TMPRSS4: variants seen among roughly 807,000 people sequenced by gnomAD.
The protein encoded by TMPRSS4 is transmembrane protease serine 4.
TMPRSS4 carries 45 observed loss-of-function variants against 56.4 expected under a neutral mutation model. The ratio of observed to expected loss-of-function variants is 0.80; its 90% CI spans 0.63 to 1.02. TMPRSS4 has a LOEUF of 1.02. Among genes scored for constraint, TMPRSS4 ranks in the 50% least tolerant of loss-of-function variants. The pLI is 0.00. For synonymous variants in TMPRSS4, 205 were observed against 211.0 expected (o/e 0.97, Z 0.25); for missense variants, 546 against 556.7 (o/e 0.98, Z 0.19).
intron 3 of TMPRSS4, 65 bp downstream of exon 3, chr11:118,099,163 C>G: frequency 7.5e-7 from 1 of 1,334,326 alleles, no homozygotes; most frequent in Non-Finnish European, 1.1e-6. Flanking sequence ...CCCCCACCCC[C>G]GCACTCACCC....
chr11:118,079,108 CCCAAAGGCA>C (rs1179678881), intron 1 of TMPRSS4, among the ~76,000 whole-genome samples: 12 of 152,020 alleles, frequency 7.9e-5, no homozygotes, highest in Non-Finnish European at 1.8e-4. Flanking sequence ...GGCCTGGGGC[CCCAAAGGCA>C]AGGCAGCAGC....
rs8924 is a variant in TMPRSS4 at position 118,118,069 on chromosome 11, A to T, written c.*156A>T. ...GGAGCAGCAAAGGGCCTCAATTCCT[A>T]TAAGAGACCCTCGCAGCCCAGAGGC... is the stretch of plus-strand genomic sequence containing the variant. On this transcript the variant is annotated 3_prime_UTR_variant, in exon 13 of 13. Coordinates refer to ENST00000437212, the MANE Select transcript of TMPRSS4 (RefSeq NM_019894.4). 1.3e-6 allele frequency: 2 copies of T among 1,487,954 alleles called. No individual in the cohort carries two copies. The highest frequency in any genetic ancestry group is 4.9e-5 in the East Asian group (2 of 41,212). The allele number at this position is 1,487,954 out of a possible 1,614,324, so 92.2% of individuals were successfully genotyped here. A position where few individuals can be genotyped will look rare whatever the true frequency, so the allele number is the denominator to read the frequency against.
intron 1 of TMPRSS4, among the ~76,000 whole-genome samples, chr11:118,082,880 AC>A (rs1211267570): frequency 6.6e-6 from 1 of 152,148 alleles, no homozygotes; most frequent in Admixed American, 6.5e-5. Flanking sequence ...CTAAGGAAAA[AC>A]CTTAGAGGTC....
At chr11:118,099,766 G>A (rs1405923119) in intron 3 of TMPRSS4, among the ~76,000 whole-genome samples, 1 of 152,136 alleles carries the variant, frequency 6.6e-6, no homozygotes, top group Non-Finnish European at 1.5e-5. Context: ...CTTGTGAGGA[G>A]GGGAGAAAGA....
rs369601091 is a variant in TMPRSS4 at position 118,120,886 on chromosome 11, C to A, written c.*2973C>A. 2.0e-4 allele frequency: 31 copies of A among 152,312 alleles called. No individual in the cohort carries two copies. The highest frequency in any genetic ancestry group is 7.5e-4 in the African/African-American group (31 of 41,564). The allele number at this position is 152,312 out of a possible 1,614,324, so 9.4% of individuals were successfully genotyped here. A position where few individuals can be genotyped will look rare whatever the true frequency, so the allele number is the denominator to read the frequency against. ...ACAGAACATACACCACCATAGTGTA[C>A]ACGCATACAACCAAGGTGGAAAAAT... On this transcript the variant is annotated 3_prime_UTR_variant, in exon 13 of 13. Transcript: ENST00000437212.
chr11:118,113,323 C>A lies in TMPRSS4; in HGVS notation c.798C>A (p.Gly266=). The change falls in exon 9 of 13, where the codon GGC becomes GGA. Residue 266 remains glycine (G), a synonymous_variant. Transcript: ENST00000437212. ...TGCGGGCAGGCTCAGACAAACTGGG[C>A]AGCTTCCCATCCCTGGCTGTGGCCA... ...WKVRAGSDKL[G]SFPSLAVAKI... 1 of 1,614,116 alleles carries A rather than the reference C, an allele frequency of 6.2e-7. No homozygotes were observed. Among genetic ancestry groups the A allele is most frequent in the African/African-American group, 1.3e-5 (1 of 75,024 alleles).
chr11:118,117,845 C>T (rs1360905591), intron 12 of TMPRSS4, 57 bp from the exon 13 acceptor site: 1 of 1,614,022 alleles, frequency 6.2e-7, no homozygotes, highest in South Asian at 1.1e-5. Context: ...CACATGTCAC[C>T]ACTTTGTCCA....
chr11:118,098,884 T>C (rs2135381734), intron 2 of TMPRSS4, 101 bp from the exon 3 acceptor site: 2 of 891,260 alleles, frequency 2.2e-6, no homozygotes, highest in Non-Finnish European at 3.6e-6. Flanking sequence ...GCTCAAGGCA[T>C]ACCTGTCACC....
At chr11:118,115,554 T>A in intron 11 of TMPRSS4, 1 of 378,628 alleles carries the variant, frequency 2.6e-6, no homozygotes, top group East Asian at 4.8e-5. Flanking sequence ...GCATGGTGGC[T>A]CACGCTTGTA....
intron 2 of TMPRSS4, among the ~76,000 whole-genome samples, chr11:118,097,751 C>T (rs1158680528): frequency 1.3e-5 from 2 of 152,094 alleles, no homozygotes; most frequent in Non-Finnish European, 2.9e-5. Flanking sequence ...AATCCACCTC[C>T]TCCCTGATGA....
chr11:118,096,908 AAAGGGAGAGAG>A (rs1565422585), intron 2 of TMPRSS4, among the ~76,000 whole-genome samples: 9 of 45,526 alleles, frequency 2.0e-4, no homozygotes, highest in Middle Eastern at 8.9e-3. Flanking sequence ...AGAAAGAAAG[AAAGGGAGAGAG>A]AAAGGAAAGA....
intron 5 of TMPRSS4, chr11:118,106,118 G>A (rs1946978100): frequency 6.6e-6 from 1 of 152,202 alleles, no homozygotes; most frequent in Admixed American, 6.5e-5. Flanking sequence ...CCCCACTGTA[G>A]TCCAGTCAAC....
intron 2 of TMPRSS4, among the ~76,000 whole-genome samples, chr11:118,098,049 C>T (rs575197326): frequency 6.6e-6 from 1 of 152,280 alleles, no homozygotes; most frequent in African/African-American, 2.4e-5. Context: ...GGATTACAGG[C>T]GTGAGCCACC....
chr11:118,115,824 A>AAAC (rs991365770), intron 11 of TMPRSS4, among the ~76,000 whole-genome samples: 1 of 152,186 alleles, frequency 6.6e-6, no homozygotes, highest in African/African-American at 2.4e-5. Flanking sequence ...CTCCATCTGA[A>AAAC]AACAACAACA....
intron 12 of TMPRSS4, 166 bp downstream of exon 12, chr11:118,117,620 A>G: frequency 1.0e-6 from 1 of 981,504 alleles, no homozygotes; most frequent in Non-Finnish European, 1.2e-6. Flanking sequence ...TAAGGCTGAA[A>G]TTCCTTAGGT....
chr11:118,090,638 C>T (rs1945875068), intron 1 of TMPRSS4, among the ~76,000 whole-genome samples: 1 of 143,414 alleles, frequency 7.0e-6, no homozygotes, highest in South Asian at 2.2e-4. Context: ...AATAGCTGGG[C>T]GTGATGGTGC....
chr11:118,111,132 G>A (rs896958143), intron 7 of TMPRSS4, among the ~76,000 whole-genome samples: 3 of 152,184 alleles, frequency 2.0e-5, no homozygotes, highest in African/African-American at 2.4e-5. Flanking sequence ...CTCCACAACC[G>A]TGGTGGTGGC....
Position 118,116,694 on chromosome 11 carries a change from G to A in TMPRSS4, c.1153-611G>A, listed in dbSNP as rs534797852. The stretch of plus-strand genomic sequence containing the variant: ...GATTACACAAATTTTGGAACGACTA[G>A]GTTAAACAATGATAACCAGGCTTTT... On this transcript the variant is annotated intron_variant, in intron 11 of 12. Coordinates refer to ENST00000437212, the MANE Select transcript of TMPRSS4 (RefSeq NM_019894.4). Among the ~76,000 whole-genome samples, 16 of 148,080 alleles carry A rather than the reference G, an allele frequency of 1.1e-4. 1 individual carries two copies. Among genetic ancestry groups the A allele is most frequent in the African/African-American group, 4.0e-4 (16 of 40,012 alleles).
chr11:118,096,635 C>T (rs935135360), intron 2 of TMPRSS4, among the ~76,000 whole-genome samples: 8 of 151,546 alleles, frequency 5.3e-5, no homozygotes, highest in African/African-American at 7.3e-5. Flanking sequence ...AAAATACCAA[C>T]GTTAACTGGG....
Sources: gnomAD v4.1 joint callset for allele counts (sites outside exome capture counted in the v4.1 genomes callset) on GRCh38, gnomAD v4.1.1 for gene constraint, MANE v1.5 for transcripts, NCBI Gene and HGNC (gene_info 2026-07-23, HGNC 2026-07-21) for gene names.